The following UGT1A10 variants were observed in gnomAD, a reference collection of about 807,000 sequenced individuals.
The protein encoded by UGT1A10 is UDP glucuronosyltransferase family 1 member A10.
In UGT1A10, 49 loss-of-function variants were observed where a neutral mutation model predicts 45.8. The ratio of observed to expected loss-of-function variants is 1.07; its 90% CI spans 0.85 to 1.36. The LOEUF (loss-of-function observed/expected upper bound fraction) is 1.36, where lower values mean the gene tolerates loss of function less well. Ranked by LOEUF, UGT1A10 falls within the 40% of genes most tolerant of loss-of-function variation. UGT1A10 has a pLI of 0.00. For synonymous variants in UGT1A10, 284 were observed against 249.7 expected, an observed-to-expected ratio of 1.14 and a Z score of -1.29; for missense variants, 745 against 668.6, an observed-to-expected ratio of 1.11 and a Z score of -1.26.
intron 1 of UGT1A10, among the ~76,000 whole-genome samples, chr2:233,644,478 T>C (rs1302374517): frequency 1.3e-5 from 2 of 152,096 alleles, no homozygotes; most frequent in South Asian, 4.1e-4. Context: ...AGAGATTCGC[T>C]TGAACCTCGG....
At position 233,643,075 on chromosome 2, in the gene UGT1A10, C is replaced by T. The variant is rs150244192; in HGVS notation, c.855+5698C>T. Among the ~76,000 whole-genome samples, 707 of 152,336 alleles carry T rather than the reference C, an allele frequency of 4.6e-3. 3 individuals carry two copies. The highest frequency in any genetic ancestry group is 7.0e-3 in the Non-Finnish European group (479 of 68,032). On this transcript the variant is annotated intron_variant, in intron 1 of 4. Transcript: ENST00000344644. ...CTGGCTACTGCCTATGTTTGCTCAA[C>T]GCCCTTGGGCTTTACAATCAGCAGG...
chr2:233,709,597 G>A (rs4408722), intron 1 of UGT1A10, among the ~76,000 whole-genome samples: 1 of 152,134 alleles, frequency 6.6e-6, no homozygotes, highest in South Asian at 2.1e-4. Context: ...GGATGTGAAA[G>A]AAACATTATT....
At chr2:233,721,050 TG>T (rs1173699301) in intron 1 of UGT1A10, among the ~76,000 whole-genome samples, 91 of 152,238 alleles carry the variant, frequency 6.0e-4, no homozygotes, top group Non-Finnish European at 3.1e-4. Context: ...AGCCCTTTTT[TG>T]TCATATTCAC....
intron 1 of UGT1A10, among the ~76,000 whole-genome samples, chr2:233,745,582 T>C (rs1693150962): frequency 6.6e-6 from 1 of 151,630 alleles, no homozygotes; most frequent in Admixed American, 6.6e-5. Context: ...TGACATAACC[T>C]GAGACCCGGA....
At chr2:233,725,764 C>G (rs1373965651) in intron 1 of UGT1A10, among the ~76,000 whole-genome samples, 2 of 152,148 alleles carry the variant, frequency 1.3e-5, no homozygotes, top group Admixed American at 1.3e-4. Context: ...ACATTTTCTT[C>G]ACATAGTTTG....
chr2:233,682,878 C>T, intron 1 of UGT1A10: 2 of 1,512,868 alleles, frequency 1.3e-6, no homozygotes, highest in Non-Finnish European at 1.8e-6. Context: ...TTATCATTTA[C>T]ATTTGTCCCA....
chr2:233,751,259 G>T (rs1355908720), intron 1 of UGT1A10, among the ~76,000 whole-genome samples: 1 of 151,926 alleles, frequency 6.6e-6, no homozygotes, highest in Non-Finnish European at 1.5e-5. Context: ...GGGGCCTGTA[G>T]CCCCCTTTTT....
chr2:233,738,951 T>G (rs1690944687), intron 1 of UGT1A10: 1 of 152,230 alleles, frequency 6.6e-6, no homozygotes, highest in Non-Finnish European at 1.5e-5. Context: ...TGTTTTAGGC[T>G]GGGTCCAGGC....
chr2:233,736,955 C>T (rs954996490), intron 1 of UGT1A10, among the ~76,000 whole-genome samples: 6 of 152,190 alleles, frequency 3.9e-5, no homozygotes, highest in African/African-American at 1.2e-4. Context: ...TCTGTTGGCC[C>T]CTACTGGGAG....
intron 1 of UGT1A10, among the ~76,000 whole-genome samples, chr2:233,761,693 AG>A (rs1697839049): frequency 6.6e-6 from 1 of 152,260 alleles, no homozygotes; most frequent in African/African-American, 2.4e-5. Flanking sequence ...TGATACAGAA[AG>A]GTTGTAGGTT....
chr2:233,770,217 G>T (rs1322403541), intron 4 of UGT1A10: 1 of 152,188 alleles, frequency 6.6e-6, no homozygotes, highest in Admixed American at 6.5e-5. Flanking sequence ...AGCCATCCCT[G>T]TCTGATTGTG....
chr2:233,773,203 A>T lies in UGT1A10; in HGVS notation c.*644A>T, dbSNP rs1464666615. On this transcript the variant is annotated 3_prime_UTR_variant, in exon 5 of 5. Coordinates refer to ENST00000344644, the MANE Select transcript of UGT1A10 (RefSeq NM_019075.4). ...TATGTCAAATGGAGCTGAATTTGAT[A>T]AAAACCCAAAATACAGCTATGAAGT... The T allele has an allele frequency of 6.6e-6, 1 of 152,516 alleles. No homozygotes were observed. The highest frequency in any genetic ancestry group is 2.4e-5 in the African/African-American group (1 of 41,468). 9.4% of individuals were successfully genotyped at this position (152,516 alleles called of 1,614,324 possible). A position where few individuals can be genotyped will look rare whatever the true frequency, so the allele number is the denominator to read the frequency against.
At chr2:233,742,690 G>A (rs1692069965) in intron 1 of UGT1A10, 1 of 152,442 alleles carries the variant, frequency 6.6e-6, no homozygotes, top group African/African-American at 2.4e-5. Flanking sequence ...CCTTCAGAGG[G>A]AACATGCTTC....
intron 1 of UGT1A10, among the ~76,000 whole-genome samples, chr2:233,706,821 G>A (rs982521215): frequency 9.2e-5 from 14 of 152,128 alleles, no homozygotes; most frequent in Non-Finnish European, 1.8e-4. Context: ...CCAATCCCAG[G>A]GCAGGACTCT....
intron 1 of UGT1A10, among the ~76,000 whole-genome samples, chr2:233,720,088 T>A (rs2076829579): frequency 1.3e-5 from 2 of 152,140 alleles, no homozygotes; most frequent in South Asian, 4.1e-4. Context: ...ACATGATAAT[T>A]TTTAGTGGTC....
chr2:233,674,698 G>A (rs1328344416), intron 1 of UGT1A10, among the ~76,000 whole-genome samples: 1 of 152,098 alleles, frequency 6.6e-6, no homozygotes, highest in Non-Finnish European at 1.5e-5. Flanking sequence ...AAAGAATATG[G>A]ATGTATGAAA....
At chr2:233,661,708 CTT>C (rs767733403) in intron 1 of UGT1A10, among the ~76,000 whole-genome samples, 5 of 90,810 alleles carry the variant, frequency 5.5e-5, no homozygotes, top group East Asian at 5.9e-4. Flanking sequence ...TATCTGGATT[CTT>C]TTTTTTTTTT....
At chr2:233,700,807 GGT>G (rs2075588613) in intron 1 of UGT1A10, among the ~76,000 whole-genome samples, 1 of 151,690 alleles carries the variant, frequency 6.6e-6, no homozygotes, top group African/African-American at 2.4e-5. Context: ...GTGCCATGTT[GGT>G]GTGCTGCACC....
intron 1 of UGT1A10, chr2:233,755,910 A>C (rs1252525299): frequency 2.6e-5 from 4 of 151,394 alleles, no homozygotes; most frequent in African/African-American, 7.3e-5. Flanking sequence ...AAATGTAGTG[A>C]GAAGAGTGGC....
Sources: gnomAD v4.1 joint callset for allele counts (sites outside exome capture counted in the v4.1 genomes callset) on GRCh38, gnomAD v4.1.1 for gene constraint, MANE v1.5 for transcripts, NCBI Gene and HGNC (gene_info 2026-07-23, HGNC 2026-07-21) for gene names.